The following UPRT variants were observed in gnomAD, a reference collection of about 807,000 sequenced individuals.
The protein encoded by UPRT is RP11-311P8.3.
Under a neutral mutation model 22.6 loss-of-function variants are expected in UPRT, and 5 were observed. The ratio of observed to expected loss-of-function variants is 0.22; its 90% CI spans 0.12 to 0.47. UPRT has a LOEUF of 0.47. UPRT is among the 20% of genes least tolerant of loss of function. The pLI is 0.99. For synonymous variants in UPRT, 77 were observed against 87.7 expected (o/e 0.88, Z 0.68); for missense variants, 181 against 239.9 (o/e 0.75, Z 1.62).
intron 1 of UPRT, among the ~76,000 whole-genome samples, chrX:75,277,162 CTT>C (rs1405023105): frequency 9.0e-6 from 1 of 111,559 alleles, no homozygotes; most frequent in Non-Finnish European, 1.9e-5. Flanking sequence ...GTTTACCACT[CTT>C]TGGCTATTAT....
Position 75,303,393 on chromosome X carries a change from G to A in UPRT, c.824-12G>A. 8.4e-7 allele frequency: 1 copy of A among 1,185,376 alleles called. No individual in the cohort carries two copies. Among genetic ancestry groups the A allele is most frequent in the East Asian group, 3.0e-5 (1 of 33,427 alleles). On this transcript the variant is annotated splice_polypyrimidine_tract_variant and intron_variant, in intron 6 of 6. Coordinates refer to ENST00000373383, the MANE Select transcript of UPRT (RefSeq NM_145052.4). ...AAAACATCCTACCATAATAACTTTT[G>A]TTTTTTTGAAGGTGCCAAATCAATC...
intron 2 of UPRT, among the ~76,000 whole-genome samples, chrX:75,163,051 G>C (rs1484825241): frequency 1.8e-5 from 2 of 111,877 alleles, no homozygotes; most frequent in Non-Finnish European, 3.8e-5. Context: ...CAAGATATCA[G>C]CCAGGGCTGC....
At chrX:75,170,100 G>A (rs755671525) in intron 4 of UPRT, among the ~76,000 whole-genome samples, 4 of 102,142 alleles carry the variant, frequency 3.9e-5, no homozygotes, top group South Asian at 4.9e-4. Context: ...GCAGTGGTGC[G>A]ATCTTGGCTC....
intron 4 of UPRT, among the ~76,000 whole-genome samples, chrX:75,174,964 CT>C (rs1164768070): frequency 2.7e-5 from 3 of 110,526 alleles, no homozygotes; most frequent in African/African-American, 9.9e-5. Context: ...GTCTGTCCCT[CT>C]TTCTCTCTGA....
intron 4 of UPRT, among the ~76,000 whole-genome samples, chrX:75,195,218 A>T (rs769187914): frequency 3.6e-5 from 4 of 112,464 alleles, no homozygotes; most frequent in African/African-American, 3.2e-5. Flanking sequence ...TTCGCCAGTC[A>T]TGCACAGTTT....
rs186748412 is a variant in UPRT at position 75,260,309 on chromosome X, C to A, written c.-446-30715C>A. ...GCTCCAATTAAAAGACACAGACTGG[C>A]AAATTGGATAAAGAGTCAAGACCCA... On this transcript the variant is annotated intron_variant, in intron 4 of 13. Transcript: ENST00000652605. Among the ~76,000 whole-genome samples, 10 of 112,041 alleles carry A rather than the reference C, an allele frequency of 8.9e-5. 1 individual carries two copies. Among genetic ancestry groups the A allele is most frequent in the Admixed American group, 7.6e-4 (8 of 10,560 alleles).
intron 1 of UPRT, among the ~76,000 whole-genome samples, chrX:75,278,732 G>A (rs937908305): frequency 1.8e-5 from 2 of 111,741 alleles, no homozygotes; most frequent in African/African-American, 6.5e-5. Context: ...CCTAGGTGGG[G>A]CTTTGGCATG....
intron 4 of UPRT, among the ~76,000 whole-genome samples, chrX:75,244,338 T>C (rs1215903499): frequency 8.9e-6 from 1 of 112,256 alleles, no homozygotes; most frequent in Non-Finnish European, 1.9e-5. Flanking sequence ...TTTGGCATAC[T>C]GCCCAAAGCA....
At chrX:75,234,566 C>A (rs1422743248) in intron 4 of UPRT, among the ~76,000 whole-genome samples, 1 of 111,655 alleles carries the variant, frequency 9.0e-6, no homozygotes, top group Non-Finnish European at 1.9e-5. Context: ...TGTAAAAGAA[C>A]AGAAATTATA....
intron 4 of UPRT, among the ~76,000 whole-genome samples, chrX:75,185,862 G>A (rs1319181609): frequency 3.6e-5 from 4 of 111,223 alleles, no homozygotes; most frequent in Non-Finnish European, 7.5e-5. Context: ...GGGATTGGTG[G>A]TGATATCCCC....
At chrX:75,237,061 C>G (rs2082468761) in intron 4 of UPRT, among the ~76,000 whole-genome samples, 1 of 111,825 alleles carries the variant, frequency 8.9e-6, no homozygotes, top group Non-Finnish European at 1.9e-5. Flanking sequence ...TGACAAAGGG[C>G]TAATATTCAG....
At chrX:75,229,767 G>A (rs1622637) in intron 4 of UPRT, among the ~76,000 whole-genome samples, 2 of 112,215 alleles carry the variant, frequency 1.8e-5, no homozygotes, top group Non-Finnish European at 3.8e-5. Context: ...TTATCTCACA[G>A]AAGTCCTGGG....
intron 1 of UPRT, among the ~76,000 whole-genome samples, chrX:75,276,604 C>T (rs1025265188): frequency 1.8e-5 from 2 of 111,438 alleles, no homozygotes; most frequent in Admixed American, 9.6e-5. Flanking sequence ...GAAGTTACTA[C>T]GCTTGGGTCT....
intron 4 of UPRT, among the ~76,000 whole-genome samples, chrX:75,174,764 C>G (rs931021151): frequency 8.9e-6 from 1 of 112,186 alleles, no homozygotes; most frequent in Non-Finnish European, 1.9e-5. Flanking sequence ...TTCTTGCAAA[C>G]TGTCTGAGAG....
chrX:75,253,134 T>A lies in UPRT; in HGVS notation c.-446-37890T>A, dbSNP rs746028950. Among the ~76,000 whole-genome samples the A allele has an allele frequency of 2.7e-5, 3 of 111,248 alleles. No homozygotes were observed. In the South Asian group the frequency reaches 1.2e-3, roughly 43 times the overall value. On this transcript the variant is annotated intron_variant, in intron 4 of 13. Coordinates refer to the UPRT transcript ENST00000652605. ...GTGCAGCACACCAACATGGCACATG[T>A]ATACATATTAACAAACCTGCACGTT...
chrX:75,246,652 T>C (rs1331410941), intron 4 of UPRT, among the ~76,000 whole-genome samples: 1 of 111,642 alleles, frequency 9.0e-6, no homozygotes, highest in Non-Finnish European at 1.9e-5. Flanking sequence ...ATGGTATTTC[T>C]AGTTCTAGAT....
At chrX:75,174,353 C>T (rs1473664872) in intron 4 of UPRT, among the ~76,000 whole-genome samples, 2 of 111,606 alleles carry the variant, frequency 1.8e-5, no homozygotes, top group Non-Finnish European at 3.8e-5. Flanking sequence ...GTTAGTTGAA[C>T]TCATTTGGGG....
At chrX:75,268,217 T>C (rs898509901) in intron 4 of UPRT, among the ~76,000 whole-genome samples, 3 of 111,141 alleles carry the variant, frequency 2.7e-5, no homozygotes, top group African/African-American at 9.8e-5. Flanking sequence ...GGAAGAAGTC[T>C]AATCCCTGAA....
chrX:75,278,414 G>T (rs1358233071), intron 1 of UPRT, among the ~76,000 whole-genome samples: 12 of 112,199 alleles, frequency 1.1e-4, no homozygotes, highest in African/African-American at 3.5e-4. Context: ...TAGATTATTT[G>T]CTCAGCCATA....
Sources: gnomAD v4.1 joint callset for allele counts (sites outside exome capture counted in the v4.1 genomes callset) on GRCh38, gnomAD v4.1.1 for gene constraint, MANE v1.5 for transcripts, NCBI Gene and HGNC (gene_info 2026-07-23, HGNC 2026-07-21) for gene names.